Variants in GPC6 observed in about 807,000 individuals in gnomAD.
The protein encoded by GPC6 is glypican 6.
In GPC6, 14 loss-of-function variants were observed where a neutral mutation model predicts 55.2. That is an observed-to-expected ratio of 0.25 (90% CI 0.17 to 0.40). The LOEUF (loss-of-function observed/expected upper bound fraction) is 0.40. Ranked by LOEUF, GPC6 falls within the 10% of genes least tolerant of loss-of-function variation. The pLI, the probability that GPC6 is intolerant of heterozygous loss-of-function variation, is 1.00. For synonymous variants in GPC6, 278 were observed against 259.6 expected, an observed-to-expected ratio of 1.07 and a Z score of -0.68; for missense variants, 641 against 708.5, an observed-to-expected ratio of 0.90 and a Z score of 1.08.
chr13:94,253,690 C>T (rs1891424220), intron 4 of GPC6, among the ~76,000 whole-genome samples: 1 of 152,048 alleles, frequency 6.6e-6, no homozygotes, highest in Non-Finnish European at 1.5e-5. Context: ...AGTCTTACTA[C>T]ATCTGGTTAG....
intron 2 of GPC6, among the ~76,000 whole-genome samples, chr13:93,579,400 A>T (rs574940898): frequency 1.9e-4 from 29 of 152,236 alleles, no homozygotes; most frequent in African/African-American, 5.8e-4. Context: ...AATAAATTTT[A>T]AAAATAGCTC....
At chr13:94,216,797 CAG>C (rs1478470979) in intron 4 of GPC6, among the ~76,000 whole-genome samples, 37 of 152,156 alleles carry the variant, frequency 2.4e-4, no homozygotes, top group African/African-American at 8.9e-4. Flanking sequence ...TAAACTTTAA[CAG>C]AGAGAAAAGC....
intron 1 of GPC6, among the ~76,000 whole-genome samples, chr13:93,498,015 T>C (rs1880373743): frequency 6.6e-6 from 1 of 152,218 alleles, no homozygotes; most frequent in Non-Finnish European, 1.5e-5. Context: ...AAGGATGTCA[T>C]CTTCTATATG....
At chr13:94,302,099 C>T (rs1875681667) in intron 5 of GPC6, among the ~76,000 whole-genome samples, 2 of 152,324 alleles carry the variant, frequency 1.3e-5, no homozygotes, top group South Asian at 4.1e-4. Flanking sequence ...TCGTGACTCT[C>T]ATATTTTAAA....
chr13:93,220,220 T>C, the GPC6 span, among the ~76,000 whole-genome samples: 1 of 152,192 alleles, frequency 6.6e-6, no homozygotes, highest in South Asian at 2.1e-4. Context: ...TGTGAAGAGC[T>C]ATTCCCTACC....
At chr13:93,272,232 A>C (rs1173105268) in intron 1 of GPC6, among the ~76,000 whole-genome samples, 2 of 152,168 alleles carry the variant, frequency 1.3e-5, no homozygotes, top group East Asian at 3.9e-4. Flanking sequence ...GTTCAGTGGT[A>C]ATTTTAATGA....
intron 1 of GPC6, among the ~76,000 whole-genome samples, chr13:93,467,936 G>A (rs1227119126): frequency 9.2e-5 from 14 of 152,038 alleles, no homozygotes; most frequent in Admixed American, 7.9e-4. Context: ...TTGATGCCAG[G>A]TGACACTTGT....
At position 93,541,312 on chromosome 13, in the gene GPC6, T is replaced by G. The variant is rs554662351; in HGVS notation, c.161-3951T>G. ...TGTTCTTGTGATAGTTTACTGAGAA[T>G]GATGATTTCCAATTTCATCCATGTC... On this transcript the variant is annotated intron_variant, in intron 1 of 8. Transcript: ENST00000377047. 2.8e-5 allele frequency among the ~76,000 whole-genome samples: 4 copies of G among 144,186 alleles called. No homozygotes were observed. The East Asian group carries it at 8.1e-4, about 29-fold the overall frequency. The allele number at this position is 144,186 out of a possible 152,430, so 94.6% of individuals were successfully genotyped here.
chr13:93,686,351 A>C (rs1472057928), intron 2 of GPC6, among the ~76,000 whole-genome samples: 1 of 152,120 alleles, frequency 6.6e-6, no homozygotes, highest in East Asian at 1.9e-4. Flanking sequence ...TTAAATGTTA[A>C]AATAAATGTG....
intron 4 of GPC6, 96 bp downstream of exon 4, chr13:94,027,990 C>A: frequency 9.3e-7 from 1 of 1,078,824 alleles, no homozygotes; most frequent in Non-Finnish European, 1.4e-6. Context: ...AGAAACCAGA[C>A]ACAGTGGTTC....
At chr13:93,240,382 A>T (rs1876389612) in intron 1 of GPC6, among the ~76,000 whole-genome samples, 2 of 151,972 alleles carry the variant, frequency 1.3e-5, no homozygotes, top group Non-Finnish European at 2.9e-5. Flanking sequence ...ATGACCTTCT[A>T]TGTCTTTTTA....
At chr13:93,383,163 A>G (rs951438447) in intron 1 of GPC6, among the ~76,000 whole-genome samples, 3 of 152,192 alleles carry the variant, frequency 2.0e-5, no homozygotes, top group African/African-American at 7.2e-5. Flanking sequence ...TCTCCAGTGC[A>G]TTTGATACCT....
intron 2 of GPC6, among the ~76,000 whole-genome samples, chr13:93,727,957 T>C (rs1883700752): frequency 1.3e-5 from 2 of 152,124 alleles, no homozygotes; most frequent in African/African-American, 4.8e-5. Flanking sequence ...TGTGACTGTG[T>C]CCTTATGACC....
At chr13:93,446,834 T>C (rs1878023593) in intron 1 of GPC6, among the ~76,000 whole-genome samples, 1 of 152,236 alleles carries the variant, frequency 6.6e-6, no homozygotes, top group Non-Finnish European at 1.5e-5. Context: ...CTGTTGAAAT[T>C]TATTTTTTGT....
At chr13:93,400,473 T>G (rs879047594) in intron 1 of GPC6, among the ~76,000 whole-genome samples, 48 of 141,636 alleles carry the variant, frequency 3.4e-4, no homozygotes, top group East Asian at 6.4e-4. Context: ...GGGGACAGGG[T>G]GGGGGGAGGT....
At chr13:94,205,442 TAAG>T (rs1321034125) in intron 4 of GPC6, among the ~76,000 whole-genome samples, 1 of 152,134 alleles carries the variant, frequency 6.6e-6, no homozygotes, top group African/African-American at 2.4e-5. Flanking sequence ...TTTAAGAAAA[TAAG>T]AAGCAAAAAC....
In GPC6 at chr13:93,593,106, T is replaced by C. The variant is rs138695152; in HGVS notation, c.319+47685T>C. ...GGATACATAAATGCCCGCTAAATTTTCTTTGAGAACATTTGAAAAAATGAC... is the reference window on the plus strand; with the variant it reads ...GGATACATAAATGCCCGCTAAATTTCCTTTGAGAACATTTGAAAAAATGAC... On this transcript the variant is annotated intron_variant, in intron 2 of 8. Transcript: ENST00000377047. Among the ~76,000 whole-genome samples the C allele has an allele frequency of 4.3e-3, 660 of 152,252 alleles. 3 individuals carry two copies. The highest frequency in any genetic ancestry group is 0.021 in the Middle Eastern group (6 of 290).
chr13:93,835,257 C>A (rs564077404), intron 3 of GPC6, among the ~76,000 whole-genome samples: 5 of 152,036 alleles, frequency 3.3e-5, no homozygotes, highest in Non-Finnish European at 7.4e-5. Flanking sequence ...AGTTCAAGAC[C>A]CAGCCTAGGC....
At chr13:93,500,198 G>C (rs1880469619) in intron 1 of GPC6, among the ~76,000 whole-genome samples, 2 of 152,196 alleles carry the variant, frequency 1.3e-5, no homozygotes, top group African/African-American at 4.8e-5. Context: ...AGGGAGGGAA[G>C]GCATGGAAAC....
Sources: gnomAD v4.1 joint callset for allele counts (sites outside exome capture counted in the v4.1 genomes callset) on GRCh38, gnomAD v4.1.1 for gene constraint, MANE v1.5 for transcripts, NCBI Gene and HGNC (gene_info 2026-07-23, HGNC 2026-07-21) for gene names.